The following RBFOX1 variants were observed in gnomAD, a reference collection of about 807,000 sequenced individuals.
The protein encoded by RBFOX1 is RNA binding protein fox-1 homolog 1.
In RBFOX1, 8 loss-of-function variants were observed where a neutral mutation model predicts 57.7. The ratio of observed to expected loss-of-function variants is 0.14; its 90% CI spans 0.08 to 0.25. The LOEUF (loss-of-function observed/expected upper bound fraction) is 0.25, where lower values mean the gene tolerates loss of function less well. Among genes scored for constraint, RBFOX1 ranks in the 10% least tolerant of loss-of-function variants. The pLI is 1.00. For missense variants in RBFOX1, 611 were observed against 548.5 expected, an observed-to-expected ratio of 1.11 and a Z score of -1.14; for synonymous variants, 326 against 222.4, an observed-to-expected ratio of 1.47 and a Z score of -4.15.
chr16:7,628,898 C>A (rs1049766136), intron 10 of RBFOX1, among the ~76,000 whole-genome samples: 1 of 152,138 alleles, frequency 6.6e-6, no homozygotes, highest in Non-Finnish European at 1.5e-5. Context: ...CAGGCATGAG[C>A]CACTACACCT....
chr16:5,436,370 C>T (rs931947596), intron 1 of RBFOX1, among the ~76,000 whole-genome samples: 2 of 152,172 alleles, frequency 1.3e-5, no homozygotes, highest in Non-Finnish European at 2.9e-5. Flanking sequence ...GGTGAGAAAA[C>T]CACCATCACT....
intron 4 of RBFOX1, among the ~76,000 whole-genome samples, chr16:7,417,632 C>G (rs956649345): frequency 5.3e-5 from 8 of 151,990 alleles, no homozygotes; most frequent in East Asian, 1.9e-4. Context: ...CATCATAGCT[C>G]CATCACAAAG....
At chr16:6,600,809 GA>G (rs987462256) in intron 2 of RBFOX1, among the ~76,000 whole-genome samples, 6 of 151,424 alleles carry the variant, frequency 4.0e-5, no homozygotes, top group Admixed American at 1.3e-4. Context: ...GTCAATGTAA[GA>G]AAAAAAAGAT....
At chr16:6,773,965 T>C (rs910153740) in intron 3 of RBFOX1, 14 of 985,232 alleles carry the variant, frequency 1.4e-5, no homozygotes, top group Non-Finnish European at 1.7e-5. Context: ...ATGGTTCTCA[T>C]GGTCCTCCCG....
At chr16:7,082,788 G>T (rs151317357) in intron 4 of RBFOX1, among the ~76,000 whole-genome samples, 1,629 of 152,272 alleles carry the variant, frequency 0.011, 15 homozygotes, top group Non-Finnish European at 0.016. Context: ...CTGAAACAGA[G>T]AGGCCACCAG....
intron 2 of RBFOX1, among the ~76,000 whole-genome samples, chr16:5,532,982 T>C (rs2044548051): frequency 6.6e-6 from 1 of 152,178 alleles, no homozygotes; most frequent in Non-Finnish European, 1.5e-5. Flanking sequence ...GGCTAGAGCA[T>C]ATAAAATAAA....
chr16:6,525,643 A>G (rs548303463), intron 2 of RBFOX1, among the ~76,000 whole-genome samples: 4 of 152,158 alleles, frequency 2.6e-5, no homozygotes, highest in African/African-American at 7.2e-5. Context: ...TGGTGTCTGG[A>G]GAGAACCCCG....
At chr16:5,553,277 A>C (rs2045535165) in intron 2 of RBFOX1, among the ~76,000 whole-genome samples, 1 of 152,010 alleles carries the variant, frequency 6.6e-6, no homozygotes, top group South Asian at 2.1e-4. Flanking sequence ...AACTTAAAGT[A>C]TAAGAATAAA....
At chr16:7,068,896 A>G (rs566180545) in intron 4 of RBFOX1, among the ~76,000 whole-genome samples, 1 of 152,296 alleles carries the variant, frequency 6.6e-6, no homozygotes, top group Non-Finnish European at 1.5e-5. Context: ...GCCTGATACT[A>G]TTTTATTACT....
intron 1 of RBFOX1, among the ~76,000 whole-genome samples, chr16:6,167,747 A>T (rs1433601755): frequency 2.6e-5 from 4 of 152,060 alleles, no homozygotes; most frequent in African/African-American, 4.8e-5. Flanking sequence ...TCATTCTTGG[A>T]TGTGGTCCTG....
At chr16:6,942,651 A>C (rs2078754911) in intron 3 of RBFOX1, among the ~76,000 whole-genome samples, 1 of 152,200 alleles carries the variant, frequency 6.6e-6, no homozygotes, top group African/African-American at 2.4e-5. Context: ...TTGAGTGGAC[A>C]GCGAGAAGGA....
At chr16:6,725,188 C>T (rs890829683) in intron 3 of RBFOX1, among the ~76,000 whole-genome samples, 73 of 151,708 alleles carry the variant, frequency 4.8e-4, no homozygotes, top group African/African-American at 1.6e-3. Flanking sequence ...GTAACTGGGA[C>T]TGCAGGCACC....
At chr16:6,011,287 C>A (rs971352878) in intron 4 of RBFOX1, among the ~76,000 whole-genome samples, 31 of 152,248 alleles carry the variant, frequency 2.0e-4, no homozygotes, top group African/African-American at 7.5e-4. Context: ...TTTTAACCTT[C>A]ATGGTTGACT....
intron 4 of RBFOX1, among the ~76,000 whole-genome samples, chr16:5,903,002 CG>C (rs2058344855): frequency 6.6e-6 from 1 of 152,112 alleles, no homozygotes; most frequent in Non-Finnish European, 1.5e-5. Flanking sequence ...CCTCAACAAA[CG>C]TGTGCACCCC....
intron 4 of RBFOX1, among the ~76,000 whole-genome samples, chr16:7,484,672 C>G (rs2064923043): frequency 1.3e-5 from 2 of 152,190 alleles, no homozygotes; most frequent in South Asian, 4.1e-4. Context: ...CCATGTTGGT[C>G]AGGCTGGTCT....
chr16:6,008,201 TC>T (rs1369720731), intron 4 of RBFOX1, among the ~76,000 whole-genome samples: 68 of 138,740 alleles, frequency 4.9e-4, no homozygotes, highest in African/African-American at 1.8e-3. Flanking sequence ...TGAAACTGTA[TC>T]CCCCCCACCC....
At chr16:5,407,961 G>A (rs2066910532) in intron 1 of RBFOX1, among the ~76,000 whole-genome samples, 1 of 152,254 alleles carries the variant, frequency 6.6e-6, no homozygotes, top group African/African-American at 2.4e-5. Flanking sequence ...GGATTGAACA[G>A]CCTTAGGAAG....
chr16:6,160,404 A>AG (rs1380335034), intron 1 of RBFOX1, among the ~76,000 whole-genome samples: 2 of 152,184 alleles, frequency 1.3e-5, no homozygotes, highest in African/African-American at 4.8e-5. Flanking sequence ...AGCAGCTAAA[A>AG]TATACTTGTC....
chr16:6,413,945 C>G (rs1348007241), intron 2 of RBFOX1, among the ~76,000 whole-genome samples: 1 of 152,074 alleles, frequency 6.6e-6, no homozygotes, highest in Admixed American at 6.5e-5. Flanking sequence ...TGCATGTTCT[C>G]CAGCTGGCCA....
Sources: allele counts gnomAD v4.1 joint callset (sites outside exome capture counted in the v4.1 genomes callset), GRCh38; gene constraint gnomAD v4.1.1; transcripts MANE v1.5; gene names NCBI Gene and HGNC (gene_info 2026-07-23, HGNC 2026-07-21).